Variants in FAM13A observed in about 807,000 individuals in gnomAD.
The protein encoded by FAM13A is family with sequence similarity 13 member A, also known as protein FAM13A.
In FAM13A, 76 loss-of-function variants were observed where a neutral mutation model predicts 129.6. The observed-to-expected ratio is 0.59, with a 90% CI of 0.49 to 0.71. The LOEUF is 0.71. FAM13A is among the 30% of genes least tolerant of loss of function. FAM13A has a pLI of 0.00. For synonymous variants in FAM13A, 443 were observed against 449.9 expected (o/e 0.98, Z 0.20); for missense variants, 1,108 against 1,249.3 (o/e 0.89, Z 1.70).
chr4:88,913,058 A>G (rs1470129063), intron 5 of FAM13A, among the ~76,000 whole-genome samples: 3 of 150,554 alleles, frequency 2.0e-5, no homozygotes, highest in African/African-American at 7.3e-5. Context: ...AAGTAGTAGT[A>G]GAGAGAAGGA....
At chr4:88,738,645 G>A (rs1371220607) in intron 20 of FAM13A, among the ~76,000 whole-genome samples, 1 of 152,136 alleles carries the variant, frequency 6.6e-6, no homozygotes, top group Non-Finnish European at 1.5e-5. Flanking sequence ...TTGGATGGGA[G>A]GGACTATGAG....
intron 7 of FAM13A, 31 bp downstream of exon 7, chr4:88,850,989 T>C (rs1737465820): frequency 6.2e-7 from 1 of 1,608,186 alleles, no homozygotes; most frequent in East Asian, 2.2e-5. Flanking sequence ...TAATGCAATA[T>C]GGATTGTGTA....
intron 4 of FAM13A, among the ~76,000 whole-genome samples, chr4:88,942,698 G>A (rs1047061909): frequency 6.6e-6 from 1 of 151,784 alleles, no homozygotes; most frequent in East Asian, 1.9e-4. Flanking sequence ...AGACGGTAAA[G>A]CCCACCTGAC....
chr4:88,834,055 ATTTTTTTTTTT>A (rs922832858), intron 7 of FAM13A, among the ~76,000 whole-genome samples: 1,852 of 84,216 alleles, frequency 0.022, 51 homozygotes, highest in African/African-American at 0.076. Flanking sequence ...AGGCCTGGCT[ATTTTTTTTTTT>A]TTTTTTTTTT....
At chr4:88,898,509 AT>A (rs889129253) in intron 6 of FAM13A, among the ~76,000 whole-genome samples, 1 of 152,158 alleles carries the variant, frequency 6.6e-6, no homozygotes, top group Non-Finnish European at 1.5e-5. Context: ...ATAAGGAAAG[AT>A]TTTTTATTTC....
At chr4:89,053,607 G>A (rs890795359) in intron 1 of FAM13A, among the ~76,000 whole-genome samples, 1 of 152,114 alleles carries the variant, frequency 6.6e-6, no homozygotes, top group Non-Finnish European at 1.5e-5. Flanking sequence ...CCAAGTTAGA[G>A]AGAAAGGCTA....
intron 7 of FAM13A, among the ~76,000 whole-genome samples, chr4:88,848,282 G>T (rs138999063): frequency 6.6e-6 from 1 of 152,266 alleles, no homozygotes; most frequent in Non-Finnish European, 1.5e-5. Context: ...GTTGTACAGC[G>T]CTCAAGCTGC....
At chr4:88,779,096 CTTAT>C (rs1346809724) in intron 11 of FAM13A, among the ~76,000 whole-genome samples, 1 of 151,996 alleles carries the variant, frequency 6.6e-6, no homozygotes, top group Non-Finnish European at 1.5e-5. Context: ...TTATTGTTTA[CTTAT>C]TTATCTTGGT....
chr4:88,991,712 A>G (rs1215007007), intron 3 of FAM13A, among the ~76,000 whole-genome samples: 1 of 152,200 alleles, frequency 6.6e-6, no homozygotes, highest in Non-Finnish European at 1.5e-5. Context: ...TTAGTGATCA[A>G]GGTACTGTAC....
intron 7 of FAM13A, chr4:88,823,431 G>T: frequency 1.5e-6 from 1 of 679,998 alleles, no homozygotes; most frequent in Non-Finnish European, 1.8e-6. Context: ...GGCTTGCCTA[G>T]TTCTGGTAAC....
intron 3 of FAM13A, among the ~76,000 whole-genome samples, chr4:89,017,334 C>CTA (rs983387984): frequency 2.0e-5 from 3 of 152,020 alleles, no homozygotes; most frequent in Non-Finnish European, 2.9e-5. Flanking sequence ...TAAAGGCTGA[C>CTA]TATACAATGA....
intron 10 of FAM13A, among the ~76,000 whole-genome samples, chr4:88,786,918 G>T (rs1724081730): frequency 6.6e-6 from 1 of 151,804 alleles, no homozygotes; most frequent in Non-Finnish European, 1.5e-5. Flanking sequence ...AGAATGAGGG[G>T]TGCTAGGGTC....
chr4:88,733,204 ATGG>A (rs1738239550), intron 21 of FAM13A, among the ~76,000 whole-genome samples: 1 of 152,238 alleles, frequency 6.6e-6, no homozygotes, highest in Non-Finnish European at 1.5e-5. Context: ...AAGTGTGCAA[ATGG>A]TTCATGGTAA....
At chr4:88,926,152 A>G (rs1752118423) in intron 5 of FAM13A, among the ~76,000 whole-genome samples, 1 of 152,130 alleles carries the variant, frequency 6.6e-6, no homozygotes, top group Non-Finnish European at 1.5e-5. Flanking sequence ...TACACACCCC[A>G]GAATAATTCC....
intron 5 of FAM13A, among the ~76,000 whole-genome samples, chr4:88,932,284 C>T (rs773144663): frequency 6.6e-6 from 1 of 152,214 alleles, no homozygotes; most frequent in Non-Finnish European, 1.5e-5. Context: ...ATTTCCTCAT[C>T]TGTAAACCAG....
intron 3 of FAM13A, among the ~76,000 whole-genome samples, chr4:88,991,866 T>C (rs760172635): frequency 6.6e-6 from 1 of 152,180 alleles, no homozygotes; most frequent in Non-Finnish European, 1.5e-5. Context: ...GAGTCCACTT[T>C]TAGTAAGAAT....
chr4:88,901,028 C>A (rs549001724), intron 6 of FAM13A, among the ~76,000 whole-genome samples: 1 of 151,796 alleles, frequency 6.6e-6, no homozygotes, highest in Non-Finnish European at 1.5e-5. Flanking sequence ...AAACCAACAA[C>A]AATAAAAAAA....
At chr4:88,814,210 C>T (rs1041684581) in intron 7 of FAM13A, among the ~76,000 whole-genome samples, 5 of 152,156 alleles carry the variant, frequency 3.3e-5, no homozygotes, top group Admixed American at 2.0e-4. Context: ...AGGCAGTCAA[C>T]GGCTGAGGTT....
chr4:88,812,335 T>G (rs976424720), intron 7 of FAM13A, among the ~76,000 whole-genome samples: 1 of 152,178 alleles, frequency 6.6e-6, no homozygotes, highest in Non-Finnish European at 1.5e-5. Flanking sequence ...TATTAGTCTT[T>G]CACAGGGGCA....
Sources: gnomAD v4.1 joint callset for allele counts (sites outside exome capture counted in the v4.1 genomes callset) on GRCh38, gnomAD v4.1.1 for gene constraint, MANE v1.5 for transcripts, NCBI Gene and HGNC (gene_info 2026-07-23, HGNC 2026-07-21) for gene names.